FHIT: variants seen among roughly 807,000 people sequenced by gnomAD.
FHIT encodes the protein bis(5'-adenosyl)-triphosphatase.
FHIT carries 19 observed loss-of-function variants against 17.9 expected under a neutral mutation model. That is an observed-to-expected ratio of 1.06 (90% CI 0.74 to 1.56). FHIT has a LOEUF of 1.56. FHIT is among the 40% of genes most tolerant of loss of function. FHIT has a pLI of 0.00. For missense variants in FHIT, 248 were observed against 189.2 expected (o/e 1.31, Z -1.82); for synonymous variants, 81 against 69.7 (o/e 1.16, Z -0.81).
At chr3:60,928,860 T>C (rs1707797442) in intron 3 of FHIT, among the ~76,000 whole-genome samples, 1 of 152,232 alleles carries the variant, frequency 6.6e-6, no homozygotes, top group African/African-American at 2.4e-5. Context: ...CCCTAACTCA[T>C]TTTATGAGGC....
At chr3:60,022,638 C>A (rs537487365) in intron 5 of FHIT, among the ~76,000 whole-genome samples, 29 of 152,274 alleles carry the variant, frequency 1.9e-4, no homozygotes, top group Admixed American at 7.2e-4. Flanking sequence ...ACCTCTTTTG[C>A]TAACCCCAAC....
intron 4 of FHIT, among the ~76,000 whole-genome samples, chr3:60,575,870 A>T (rs1052840311): frequency 6.6e-6 from 1 of 152,146 alleles, no homozygotes; most frequent in South Asian, 2.1e-4. Context: ...AGCCATGACT[A>T]CCACAACTGC....
chr3:60,814,736 G>A (rs370601395), intron 4 of FHIT, among the ~76,000 whole-genome samples: 16 of 152,034 alleles, frequency 1.1e-4, no homozygotes, highest in African/African-American at 3.1e-4. Flanking sequence ...TAATGGAATT[G>A]CTGGATCGAA....
intron 2 of FHIT, among the ~76,000 whole-genome samples, chr3:61,052,871 A>G (rs2034078369): frequency 6.6e-6 from 1 of 152,092 alleles, no homozygotes; most frequent in Non-Finnish European, 1.5e-5. Flanking sequence ...AATGAAGATG[A>G]CTTTTAGCAT....
chr3:61,104,194 G>A (rs1247687538), intron 2 of FHIT, among the ~76,000 whole-genome samples: 1 of 152,150 alleles, frequency 6.6e-6, no homozygotes, highest in Non-Finnish European at 1.5e-5. Context: ...TGTTTTTGTA[G>A]TGGCTGGTAG....
At chr3:60,620,862 G>A (rs1007298183) in intron 4 of FHIT, among the ~76,000 whole-genome samples, 1 of 152,078 alleles carries the variant, frequency 6.6e-6, no homozygotes, top group Non-Finnish European at 1.5e-5. Flanking sequence ...CCACACTAAT[G>A]CAAGTGTTAA....
intron 1 of FHIT, among the ~76,000 whole-genome samples, chr3:61,251,042 C>T (rs895774341): frequency 3.9e-5 from 6 of 152,184 alleles, no homozygotes. Flanking sequence ...CTGGCGTGGC[C>T]CCGTGCCTCA....
At chr3:59,993,192 C>T (rs1699363445) in intron 7 of FHIT, among the ~76,000 whole-genome samples, 1 of 152,040 alleles carries the variant, frequency 6.6e-6, no homozygotes, top group Admixed American at 6.6e-5. Context: ...TCAACTCACT[C>T]CTTGGTCGTT....
At chr3:60,311,256 TG>T (rs1708931350) in intron 5 of FHIT, among the ~76,000 whole-genome samples, 1 of 152,046 alleles carries the variant, frequency 6.6e-6, no homozygotes, top group Non-Finnish European at 1.5e-5. Context: ...CCAACGTGTG[TG>T]TGTGTGTGTG....
intron 5 of FHIT, among the ~76,000 whole-genome samples, chr3:60,198,134 T>C (rs1392202446): frequency 1.3e-5 from 1 of 78,482 alleles, no homozygotes; most frequent in Non-Finnish European, 2.6e-5. Flanking sequence ...AAAGTTTAGA[T>C]GAGGCAGGAA....
Position 61,004,306 on chromosome 3 carries a change from A to G in FHIT, c.-111+37741T>C, listed in dbSNP as rs77199201. 2.9e-3 allele frequency among the ~76,000 whole-genome samples: 446 copies of G among 152,296 alleles called. 6 individuals are homozygous for G. Among genetic ancestry groups the G allele is most frequent in the African/African-American group, 1.0e-2 (415 of 41,562 alleles). Reference sequence around the variant, plus strand: ...TATCCACCCAAGCCACCCCAAATAAAGTGTTTGCCCAGTGTACATATGCAG... The same window carrying G: ...TATCCACCCAAGCCACCCCAAATAAGGTGTTTGCCCAGTGTACATATGCAG... On this transcript the variant is annotated intron_variant, in intron 3 of 9. Transcript: ENST00000492590.
intron 7 of FHIT, among the ~76,000 whole-genome samples, chr3:59,981,706 T>C (rs535901249): frequency 2.6e-5 from 4 of 152,258 alleles, no homozygotes; most frequent in African/African-American, 7.2e-5. Flanking sequence ...TCTCGAATGC[T>C]AAATGGTCAA....
At chr3:60,127,254 A>AT (rs1346527022) in intron 5 of FHIT, among the ~76,000 whole-genome samples, 1 of 152,160 alleles carries the variant, frequency 6.6e-6, no homozygotes, top group East Asian at 1.9e-4. Flanking sequence ...AACTTTATTA[A>AT]TGAGTACCCA....
chr3:60,567,264 A>C (rs2107654575), intron 4 of FHIT, among the ~76,000 whole-genome samples: 1 of 152,244 alleles, frequency 6.6e-6, no homozygotes, highest in South Asian at 2.1e-4. Context: ...AAACAGAGAT[A>C]TAGATCAATG....
At chr3:60,880,783 T>C (rs1170481424) in intron 3 of FHIT, among the ~76,000 whole-genome samples, 2 of 151,662 alleles carry the variant, frequency 1.3e-5, no homozygotes, top group Non-Finnish European at 2.9e-5. Flanking sequence ...GTAGAGCAGA[T>C]ACACAGAAAA....
intron 5 of FHIT, among the ~76,000 whole-genome samples, chr3:60,244,462 A>G (rs1433390880): frequency 2.0e-5 from 3 of 152,148 alleles, no homozygotes; most frequent in Non-Finnish European, 4.4e-5. Context: ...ACCTCTGAAT[A>G]TAACTCAGAA....
chr3:60,895,027 C>T (rs892474239), intron 3 of FHIT, among the ~76,000 whole-genome samples: 3 of 152,152 alleles, frequency 2.0e-5, no homozygotes, highest in Non-Finnish European at 4.4e-5. Flanking sequence ...TTTCTTCAAT[C>T]CCGAGTGTCC....
At chr3:59,844,797 A>G (rs1273963918) in intron 8 of FHIT, among the ~76,000 whole-genome samples, 6 of 152,168 alleles carry the variant, frequency 3.9e-5, no homozygotes, top group Admixed American at 3.9e-4. Flanking sequence ...ATGTCTTTGT[A>G]TCAAGGTAAT....
intron 3 of FHIT, among the ~76,000 whole-genome samples, chr3:61,022,155 A>G (rs1173840112): frequency 6.6e-6 from 1 of 152,228 alleles, no homozygotes; most frequent in Non-Finnish European, 1.5e-5. Flanking sequence ...AAAAAATGAT[A>G]AAGGGGATAT....
Sources: gnomAD v4.1 joint callset for allele counts (sites outside exome capture counted in the v4.1 genomes callset) on GRCh38, gnomAD v4.1.1 for gene constraint, MANE v1.5 for transcripts, NCBI Gene and HGNC (gene_info 2026-07-23, HGNC 2026-07-21) for gene names.